CDKL2: variants seen among roughly 807,000 people sequenced by gnomAD.
CDKL2 encodes the protein cyclin-dependent kinase-like 2.
Under a neutral mutation model 63.9 loss-of-function variants are expected in CDKL2, and 64 were observed. That is an observed-to-expected ratio of 1.00 (90% CI 0.82 to 1.23). CDKL2 has a LOEUF of 1.23. CDKL2 is among the 50% of genes most tolerant of loss of function. The pLI is 0.00. For synonymous variants in CDKL2, 211 were observed against 229.2 expected (o/e 0.92, Z 0.72); for missense variants, 656 against 668.0 (o/e 0.98, Z 0.20).
rs772556739 is a variant in CDKL2, at chr4:75,614,327, T to A, written c.291A>T (p.Gly97=). ...ACTTTTGAACTACTTGGTAGTCTAGTCCATTTGGAAAGAGCTCCAAGTCAT... is the reference window on the plus strand; with the variant it reads ...ACTTTTGAACTACTTGGTAGTCTAGACCATTTGGAAAGAGCTCCAAGTCAT... The part of the protein sequence containing the change: ...ILDDLELFPN[G]LDYQVVQKYL... The change falls in exon 3 of 14, where the codon GGA becomes GGT. Residue 97 remains glycine, a synonymous_variant. Coordinates refer to ENST00000307465, the MANE Select transcript of CDKL2 (RefSeq NM_001330724.2). 1.2e-6 allele frequency: 2 copies of A among 1,611,402 alleles called. No homozygotes were observed. Among genetic ancestry groups the A allele is most frequent in the South Asian group, 2.2e-5 (2 of 90,314 alleles).
chr4:75,578,563 A>G lies in CDKL2; in HGVS notation c.*639T>C, dbSNP rs746751152. ...ATAGAATATCAAAAATAATTACAGA[A>G]GTCAAAGATACACATCTACCCATGG... On this transcript the variant is annotated 3_prime_UTR_variant, in exon 14 of 14. Transcript: ENST00000307465. 2 of 152,238 alleles carry G rather than the reference A, an allele frequency of 1.3e-5. No homozygotes were observed. Among genetic ancestry groups the G allele is most frequent in the Non-Finnish European group, 1.5e-5 (1 of 68,038 alleles). The allele number at this position is 152,238 out of a possible 1,614,324, so 9.4% of individuals were successfully genotyped here.
At chr4:75,625,007 A>G (rs932540792) in intron 2 of CDKL2, among the ~76,000 whole-genome samples, 1 of 152,252 alleles carries the variant, frequency 6.6e-6, no homozygotes, top group Non-Finnish European at 1.5e-5. Flanking sequence ...TAACTGAACT[A>G]CAATGAAAAG....
chr4:75,603,124 C>G (rs1293919749), intron 6 of CDKL2, among the ~76,000 whole-genome samples: 1 of 150,132 alleles, frequency 6.7e-6, no homozygotes, highest in African/African-American at 2.4e-5. Flanking sequence ...CTCAGCCTCC[C>G]CAGTAGCTGG....
At position 75,630,445 on chromosome 4, in the gene CDKL2, TA is replaced by T. The variant is rs1342245758; in HGVS notation, c.-434del. On this transcript the variant is annotated 5_prime_UTR_variant, in exon 1 of 14. Coordinates refer to ENST00000307465, the MANE Select transcript of CDKL2 (RefSeq NM_001330724.2). Reference sequence around the variant, plus strand: ...GTGAGAGGCACCACCTCCCAGCTCGTAAGGCGCCCAGTACCTGGAGCCTGGG... The same window carrying T: ...GTGAGAGGCACCACCTCCCAGCTCGTAGGCGCCCAGTACCTGGAGCCTGGG... The T allele has an allele frequency of 6.6e-6, 1 of 152,442 alleles. No individual in the cohort carries two copies. The highest frequency in any genetic ancestry group is 1.5e-5 in the Non-Finnish European group (1 of 68,154). 9.4% of individuals were successfully genotyped at this position (152,442 alleles called of 1,614,324 possible).
intron 2 of CDKL2, among the ~76,000 whole-genome samples, chr4:75,624,024 C>T (rs1045495117): frequency 1.3e-4 from 19 of 151,168 alleles, no homozygotes; most frequent in Non-Finnish European, 2.5e-4. Context: ...GTACCAGCTA[C>T]TCAGGAGGCT....
At chr4:75,599,482 A>G (rs1729084622) in intron 7 of CDKL2, among the ~76,000 whole-genome samples, 1 of 141,784 alleles carries the variant, frequency 7.1e-6, no homozygotes, top group Non-Finnish European at 1.5e-5. Flanking sequence ...AATCGCTTGA[A>G]CCCAGGAGGT....
chr4:75,603,774 C>T, intron 6 of CDKL2, 43 bp downstream of exon 6: 1 of 1,185,302 alleles, frequency 8.4e-7, no homozygotes. Flanking sequence ...CTTGATAGTG[C>T]ATAAATTCCC....
rs534101901 is a variant in CDKL2, at chr4:75,576,577, A to G, written c.*2625T>C. ...TGCAAAAACACTTAATGCAAAAAAC[A>G]ACAGAGAAAAATCCATTCAGTCCAA... On this transcript the variant is annotated 3_prime_UTR_variant, in exon 14 of 14. Transcript: ENST00000307465. Among the ~76,000 whole-genome samples, 61 of 152,350 alleles carry G rather than the reference A, an allele frequency of 4.0e-4. No homozygotes were observed. The highest frequency in any genetic ancestry group is 3.4e-3 in the Middle Eastern group (1 of 294).
rs201841057 is a variant in CDKL2 at position 75,625,873 on chromosome 4, T to C, written c.116A>G (p.Asp39Gly). The change falls in exon 2 of 14, where the codon GAC (aspartate) becomes GGC (glycine). Residue 39 changes from aspartate (D) to glycine (G), a missense_variant. Transcript: ENST00000307465. ...IVAIKKFLESDDDKMVKKIAM... is the reference protein window; with the variant it reads ...IVAIKKFLESGDDKMVKKIAM... ...AATCTTTTTAACCATTTTGTCATCG[T>C]CACTTTCTAAGAACTTCTTTATGGC... 13 of 1,613,558 alleles carry C rather than the reference T, an allele frequency of 8.1e-6. No individual in the cohort carries two copies. The highest frequency in any genetic ancestry group is 1.0e-5 in the Non-Finnish European group (12 of 1,179,838).
chr4:75,627,069 G>A (rs938545287), intron 1 of CDKL2, among the ~76,000 whole-genome samples: 2 of 151,142 alleles, frequency 1.3e-5, no homozygotes, highest in Non-Finnish European at 2.9e-5. Flanking sequence ...CAGGCATGGT[G>A]GTGCACCCCT....
At chr4:75,583,488 G>A (rs192562151) in intron 12 of CDKL2, among the ~76,000 whole-genome samples, 404 of 152,190 alleles carry the variant, frequency 2.7e-3, no homozygotes, top group Middle Eastern at 0.024. Context: ...AATCTTTCAC[G>A]GAATCATAAT....
At chr4:75,593,815 T>C (rs1728805363) in intron 10 of CDKL2, among the ~76,000 whole-genome samples, 1 of 152,142 alleles carries the variant, frequency 6.6e-6, no homozygotes, top group Admixed American at 6.6e-5. Context: ...GAAAAGGCTG[T>C]ATTTTTCAGC....
At chr4:75,625,775 GA>G in intron 2 of CDKL2, 45 bp downstream of exon 2, 1 of 1,424,220 alleles carries the variant, frequency 7.0e-7, no homozygotes, top group South Asian at 1.3e-5. Flanking sequence ...TGCCAAAAAA[GA>G]AACTTATACT....
At chr4:75,626,477 T>C (rs1402436480) in intron 1 of CDKL2, among the ~76,000 whole-genome samples, 3 of 151,986 alleles carry the variant, frequency 2.0e-5, no homozygotes, top group South Asian at 2.1e-4. Flanking sequence ...CCATCCTGGC[T>C]AACACGGTGA....
At chr4:75,609,554 C>T (rs1335075447) in intron 3 of CDKL2, among the ~76,000 whole-genome samples, 1 of 150,340 alleles carries the variant, frequency 6.7e-6, no homozygotes, top group Non-Finnish European at 1.5e-5. Context: ...TGCAGTGAGC[C>T]GAGATTGCGC....
rs570009650 is a variant in CDKL2 at position 75,587,933 on chromosome 4, G to T, written c.1647+3886C>A. 1.0e-4 allele frequency among the ~76,000 whole-genome samples: 15 copies of T among 146,028 alleles called. No individual in the cohort carries two copies. The East Asian group carries it at 2.7e-3, about 26-fold the overall frequency. On this transcript the variant is annotated intron_variant, in intron 12 of 13. Transcript: ENST00000307465. ...AAAAAAAAAAAAGAAACTGAAATCA[G>T]GCTGGGCGCGGTGGCTCACACCTGT...
intron 6 of CDKL2, among the ~76,000 whole-genome samples, chr4:75,601,379 CT>C (rs1729184204): frequency 6.6e-6 from 1 of 151,942 alleles, no homozygotes; most frequent in Non-Finnish European, 1.5e-5. Context: ...ATTAAAACCC[CT>C]AACATGCCAG....
At chr4:75,612,882 T>C (rs1475612121) in intron 3 of CDKL2, among the ~76,000 whole-genome samples, 3 of 152,184 alleles carry the variant, frequency 2.0e-5, no homozygotes, top group African/African-American at 7.2e-5. Context: ...CCCAGTACTT[T>C]GGGAGGCCAA....
At chr4:75,593,202 T>C (rs1728783469) in intron 10 of CDKL2, among the ~76,000 whole-genome samples, 1 of 152,086 alleles carries the variant, frequency 6.6e-6, no homozygotes, top group Non-Finnish European at 1.5e-5. Flanking sequence ...GGCTATTGGT[T>C]CAAGTTGGTT....
Sources: gnomAD v4.1 joint callset for allele counts (sites outside exome capture counted in the v4.1 genomes callset) on GRCh38, gnomAD v4.1.1 for gene constraint, MANE v1.5 for transcripts, NCBI Gene and HGNC (gene_info 2026-07-23, HGNC 2026-07-21) for gene names.